IRGM: variants seen among roughly 807,000 people sequenced by gnomAD.
The protein encoded by IRGM is immunity-related GTPase family M protein.
For synonymous variants in IRGM, 98 were observed against 80.6 expected, an observed-to-expected ratio of 1.22 and a Z score of -1.16; for missense variants, 288 against 219.9, an observed-to-expected ratio of 1.31 and a Z score of -1.96.
chr5:150,864,490 T>C (rs1754178454), intron 1 of IRGM, among the ~76,000 whole-genome samples: 1 of 152,194 alleles, frequency 6.6e-6, no homozygotes, highest in Non-Finnish European at 1.5e-5. Flanking sequence ...CTGTATGTCT[T>C]CGTCATTACT....
chr5:150,875,242 G>C (rs1228020589), intron 1 of IRGM, among the ~76,000 whole-genome samples: 9 of 152,176 alleles, frequency 5.9e-5, no homozygotes, highest in Non-Finnish European at 1.2e-4. Context: ...CCACCCAAAA[G>C]TGGACAGCTG....
chr5:150,896,907 A>G, intron 3 of IRGM: 15 of 1,613,516 alleles, frequency 9.3e-6, no homozygotes, highest in Non-Finnish European at 1.2e-5. Flanking sequence ...TCCTTTCAGT[A>G]TCTTATGATG....
rs138181037 is a variant in IRGM at position 150,862,410 on chromosome 5, A to C, written c.158+13756A>C. Among the ~76,000 whole-genome samples, 144 of 152,304 alleles carry C rather than the reference A, an allele frequency of 9.5e-4. 1 individual carries two copies. Among genetic ancestry groups the C allele is most frequent in the African/African-American group, 3.3e-3 (138 of 41,566 alleles). ...AGGGGTGAATATCAAAGGAGGGAATAATTGGGAACTGTTTTAGAGTCTGTC... is the reference window on the plus strand; with the variant it reads ...AGGGGTGAATATCAAAGGAGGGAATCATTGGGAACTGTTTTAGAGTCTGTC... On this transcript the variant is annotated intron_variant and NMD_transcript_variant, in intron 1 of 3. Transcript: ENST00000520549.
At position 150,847,102 on chromosome 5, in the gene IRGM, C is replaced by G. The variant is rs1441969525; in HGVS notation, c.-534C>G. ...TGCTGTCTCCTCCTCTCCCTCACTTCAGTTGGGCCCAACATGACAGTCTTA... is the reference window on the plus strand; with the variant it reads ...TGCTGTCTCCTCCTCTCCCTCACTTGAGTTGGGCCCAACATGACAGTCTTA... On this transcript the variant is annotated 5_prime_UTR_variant, in exon 1 of 2. Coordinates refer to ENST00000522154, the MANE Select transcript of IRGM (RefSeq NM_001145805.2). 2.6e-5 allele frequency: 4 copies of G among 152,394 alleles called. No homozygotes were observed. In the East Asian group the frequency reaches 7.5e-4, roughly 29 times the overall value. 9.4% of individuals were successfully genotyped at this position (152,394 alleles called of 1,614,324 possible).
rs1304406967 is a variant in IRGM, at chr5:150,847,088, C to T, written c.-548C>T. The T allele has an allele frequency of 6.6e-6, 1 of 152,366 alleles. No individual in the cohort carries two copies. The highest frequency in any genetic ancestry group is 1.5e-5 in the Non-Finnish European group (1 of 68,056). The allele number at this position is 152,366 out of a possible 1,614,324, so 9.4% of individuals were successfully genotyped here. Reference sequence around the variant, plus strand: ...AGAGCATTTGAGTATGCTGTCTCCTCCTCTCCCTCACTTCAGTTGGGCCCA... The same window carrying T: ...AGAGCATTTGAGTATGCTGTCTCCTTCTCTCCCTCACTTCAGTTGGGCCCA... On this transcript the variant is annotated 5_prime_UTR_variant, in exon 1 of 2. Coordinates refer to ENST00000522154, the MANE Select transcript of IRGM (RefSeq NM_001145805.2).
chr5:150,885,984 C>A (rs1205265534), intron 3 of IRGM, among the ~76,000 whole-genome samples: 1 of 152,054 alleles, frequency 6.6e-6, no homozygotes, highest in Non-Finnish European at 1.5e-5. Context: ...TGTCTTGTGC[C>A]AGTTTTCAAG....
intron 1 of IRGM, among the ~76,000 whole-genome samples, chr5:150,871,697 T>C (rs1253720746): frequency 6.6e-6 from 1 of 152,240 alleles, no homozygotes; most frequent in African/African-American, 2.4e-5. Context: ...GTTACCTGAT[T>C]TACTGACTAA....
intron 3 of IRGM, chr5:150,895,561 G>A: frequency 2.5e-6 from 4 of 1,613,492 alleles, no homozygotes; most frequent in East Asian, 2.2e-5. Flanking sequence ...TCTGACTTCT[G>A]AGAAAAGGCC....
intron 3 of IRGM, among the ~76,000 whole-genome samples, chr5:150,890,272 A>G (rs1754589190): frequency 6.6e-6 from 1 of 151,998 alleles, no homozygotes; most frequent in Non-Finnish European, 1.5e-5. Context: ...GGATTTGTCC[A>G]CTTCATCTGT....
chr5:150,877,777 C>T (rs1215951752), intron 1 of IRGM, among the ~76,000 whole-genome samples: 1 of 152,148 alleles, frequency 6.6e-6, no homozygotes, highest in Non-Finnish European at 1.5e-5. Flanking sequence ...ATGAAGCCCT[C>T]TGAATAATTA....
chr5:150,897,976 C>CA, intron 3 of IRGM: 1 of 1,499,724 alleles, frequency 6.7e-7, no homozygotes, highest in Non-Finnish European at 8.9e-7. Flanking sequence ...AGCATAGAAG[C>CA]AAAGAATAGG....
intron 3 of IRGM, among the ~76,000 whole-genome samples, chr5:150,891,041 T>C (rs1754601239): frequency 6.6e-6 from 1 of 152,090 alleles, no homozygotes; most frequent in Non-Finnish European, 1.5e-5. Context: ...TTGAAATTTC[T>C]AACTGTAATT....
At chr5:150,853,967 CTCTTTG>C (rs1754012051) in intron 1 of IRGM, among the ~76,000 whole-genome samples, 1 of 152,010 alleles carries the variant, frequency 6.6e-6, no homozygotes, top group African/African-American at 2.4e-5. Flanking sequence ...TTGATGTTTT[CTCTTTG>C]TCTTATAGCT....
intron 3 of IRGM, chr5:150,896,572 T>A: frequency 6.2e-7 from 1 of 1,613,768 alleles, no homozygotes; most frequent in Non-Finnish European, 8.5e-7. Context: ...TCACTCTGGC[T>A]AGATGATTTT....
chr5:150,856,924 A>T (rs10068967), intron 1 of IRGM, among the ~76,000 whole-genome samples: 2 of 133,712 alleles, frequency 1.5e-5, no homozygotes, highest in Non-Finnish European at 3.1e-5. Context: ...TTTATTATTT[A>T]TTATTTATTA....
At chr5:150,858,426 T>C (rs1027398180) in intron 1 of IRGM, among the ~76,000 whole-genome samples, 72 of 152,324 alleles carry the variant, frequency 4.7e-4, no homozygotes, top group South Asian at 3.7e-3. Flanking sequence ...TTTGGTTCCA[T>C]ATGAACTTTA....
At chr5:150,886,605 A>G (rs1342739007) in intron 3 of IRGM, among the ~76,000 whole-genome samples, 1 of 151,768 alleles carries the variant, frequency 6.6e-6, no homozygotes, top group East Asian at 1.9e-4. Context: ...CAGGAAATCA[A>G]TTTTTTCCTG....
At chr5:150,877,359 T>C (rs548411032) in intron 1 of IRGM, among the ~76,000 whole-genome samples, 1 of 152,300 alleles carries the variant, frequency 6.6e-6, no homozygotes, top group South Asian at 2.1e-4. Context: ...CAGAAGAACG[T>C]GGGAAGACTA....
chr5:150,856,792 T>C (rs1244636629), intron 1 of IRGM, among the ~76,000 whole-genome samples: 1 of 151,276 alleles, frequency 6.6e-6, no homozygotes, highest in African/African-American at 2.4e-5. Flanking sequence ...TTAATCCCTC[T>C]TCCTCATCCA....
Sources: allele counts gnomAD v4.1 joint callset (sites outside exome capture counted in the v4.1 genomes callset), GRCh38; gene constraint gnomAD v4.1.1; transcripts MANE v1.5; gene names NCBI Gene and HGNC (gene_info 2026-07-23, HGNC 2026-07-21).